Variants in LRP1 observed in about 807,000 individuals in gnomAD.
The protein encoded by LRP1 is prolow-density lipoprotein receptor-related protein 1.
LRP1 carries 51 observed loss-of-function variants against 541.5 expected under a neutral mutation model. The ratio of observed to expected loss-of-function variants is 0.09; its 90% CI spans 0.08 to 0.12. The LOEUF is 0.12. LRP1 is among the 10% of genes least tolerant of loss of function. The pLI is 1.00. For synonymous variants in LRP1, 2,219 were observed against 2,470.8 expected (o/e 0.90, Z 3.02); for missense variants, 3,878 against 6,376.2 (o/e 0.61, Z 13.34).
intron 6 of LRP1, chr12:57,150,177 G>GAA (rs1435545055): frequency 1.4e-5 from 2 of 139,480 alleles, no homozygotes; most frequent in Non-Finnish European, 1.5e-5. Flanking sequence ...CCTGTAACAG[G>GAA]AAAACTTCCT....
Position 57,184,198 on chromosome 12 carries a change from G to A in LRP1, c.6043G>A (p.Val2015Ile), listed in dbSNP as rs150485916. 2.7e-5 allele frequency: 44 copies of A among 1,613,812 alleles called. No homozygotes were observed. Among genetic ancestry groups the A allele is most frequent in the African/African-American group, 2.3e-4 (17 of 74,908 alleles). ...QGLDKPRAIT[V>I]HPEKGYLFWT... is the part of the protein sequence containing the mutation. ...TCTAGACAAGCCCCGGGCCATCACC[G>A]TCCACCCGGAGAAAGGGTGAGGAGC... The change falls in exon 37 of 89, where the codon GTC becomes ATC. Residue 2015 changes from valine to isoleucine, a missense_variant. Physicochemically the swap from Val to Ile is conservative, Grantham distance 29. Coordinates refer to ENST00000243077, the MANE Select transcript of LRP1 (RefSeq NM_002332.3). This position sits in a 1 kb window ranked among gnomAD's most constrained non-coding sequence, Gnocchi z 7.8.
At chr12:57,146,271 G>T (rs929606030) in intron 6 of LRP1, among the ~76,000 whole-genome samples, 3 of 152,182 alleles carry the variant, frequency 2.0e-5, no homozygotes, top group African/African-American at 2.4e-5. Context: ...GCACCACAGG[G>T]CTGAGAGGAA....
In LRP1 at chr12:57,202,557, G is replaced by T. The variant is rs1265946723; in HGVS notation, c.10711+20G>T. The stretch of plus-strand genomic sequence containing the variant: ...GCTGCAGTACGTCCCCACCCACCCA[G>T]CCCCGCATGAGCCCCTCCCAGGCCT... On this transcript the variant is annotated intron_variant, in intron 68 of 88. Coordinates refer to ENST00000243077, the MANE Select transcript of LRP1 (RefSeq NM_002332.3). The T allele has an allele frequency of 2.2e-6, 2 of 927,134 alleles. No individual in the cohort carries two copies. Among genetic ancestry groups the T allele is most frequent in the Admixed American group, 3.5e-5 (1 of 28,276 alleles). 57.4% of individuals were successfully genotyped at this position (927,134 alleles called of 1,614,324 possible). A position where few individuals can be genotyped will look rare whatever the true frequency, so the allele number is the denominator to read the frequency against.
rs2036332492 is a variant in LRP1 at position 57,189,473 on chromosome 12, A to T, written c.7032-1332A>T. Among the ~76,000 whole-genome samples the T allele has an allele frequency of 6.6e-6, 1 of 152,180 alleles. No individual in the cohort carries two copies. The highest frequency in any genetic ancestry group is 1.5e-5 in the Non-Finnish European group (1 of 68,026). On this transcript the variant is annotated intron_variant, in intron 42 of 88. Coordinates refer to ENST00000243077, the MANE Select transcript of LRP1 (RefSeq NM_002332.3). The surrounding 1 kb of genome is among the most constrained non-coding windows in gnomAD (Gnocchi z 4.4). ...GCTCTCCTCCAGGATGAGGCCCTTAAGATCAGAGCTTCTCACGAGCTCGCC... is the reference window on the plus strand; with the variant it reads ...GCTCTCCTCCAGGATGAGGCCCTTATGATCAGAGCTTCTCACGAGCTCGCC...
In LRP1 at chr12:57,184,391, A is replaced by T; in HGVS notation, c.6125A>T (p.Glu2042Val). 6.2e-7 allele frequency: 1 copy of T among 1,614,144 alleles called. No individual in the cohort carries two copies. Among genetic ancestry groups the T allele is most frequent in the Non-Finnish European group, 8.5e-7 (1 of 1,180,036 alleles). Residue 2042 changes from glutamate to valine, a missense_variant, in exon 38 of 89, where the codon GAG becomes GTG. By Grantham distance (121) the Glu-to-Val change is moderately radical (BLOSUM62 -2). This residue lies in a region of LRP1 where 1,100 missense variants were observed against 1,827.4 expected (regional missense o/e 0.60). Coordinates refer to ENST00000243077, the MANE Select transcript of LRP1 (RefSeq NM_002332.3). The surrounding 1 kb of genome is among the most constrained non-coding windows in gnomAD (Gnocchi z 7.8). ...RIERSRLDGT[E>V]RVVLVNVSIS... ...GAGCGGTCTCGGCTAGATGGCACGG[A>T]GCGTGTGGTGCTGGTCAACGTCAGC...
At position 57,180,441 on chromosome 12, in the gene LRP1, G is replaced by A. The variant is rs766276294; in HGVS notation, c.5348G>A (p.Arg1783Gln). The change falls in exon 32 of 89, where the codon CGG (arginine) becomes CAG (glutamine). Residue 1783 changes from arginine (R) to glutamine (Q), a missense_variant. Arg to Gln is a conservative substitution (Grantham distance 43). Transcript: ENST00000243077. ...GGGCTGGAGGTCATCGATGCCATGC[G>A]GAGCCAGCTGGGCAAGGCCACCGCC... is the stretch of plus-strand genomic sequence containing the variant. ...GSGLEVIDAMRSQLGKATALA... is the reference protein window; with the variant it reads ...GSGLEVIDAMQSQLGKATALA... The A allele has an allele frequency of 1.4e-5, 23 of 1,613,978 alleles. No homozygotes were observed. Among genetic ancestry groups the A allele is most frequent in the Middle Eastern group, 1.6e-4 (1 of 6,084 alleles).
chr12:57,173,103 C>A lies in LRP1; in HGVS notation c.3164-65C>A. The A allele has an allele frequency of 7.2e-7, 1 of 1,396,862 alleles. No individual in the cohort carries two copies. Among genetic ancestry groups the A allele is most frequent in the Non-Finnish European group, 9.8e-7 (1 of 1,024,694 alleles). 86.5% of individuals were successfully genotyped at this position (1,396,862 alleles called of 1,614,324 possible). A position where few individuals can be genotyped will look rare whatever the true frequency, so the allele number is the denominator to read the frequency against. On this transcript the variant is annotated intron_variant, in intron 20 of 88. Transcript: ENST00000243077. This position sits in a 1 kb window ranked among gnomAD's most constrained non-coding sequence, Gnocchi z 4.7. ...CTGGGCTTACCGGGGTGGCAGGGCA[C>A]AGGGATGAGGAGGGCTGACCTGGGC... is the stretch of plus-strand genomic sequence containing the variant.
Position 57,179,878 on chromosome 12 carries a change from G to A in LRP1, c.5063G>A (p.Arg1688Gln), listed in dbSNP as rs148199012. 2.3e-5 allele frequency: 37 copies of A among 1,614,164 alleles called. No homozygotes were observed. Among genetic ancestry groups the A allele is most frequent in the East Asian group, 4.5e-5 (2 of 44,888 alleles). The change falls in exon 30 of 89, where the codon CGG (arginine) becomes CAG (glutamine). Residue 1688 changes from arginine (R) to glutamine (Q), a missense_variant. By Grantham distance (43) the Arg-to-Gln change is conservative (BLOSUM62 1). Around this residue, in one of 13 missense-constraint regions of LRP1, gnomAD observed 394 missense variants for 635.9 expected, o/e 0.62. Coordinates refer to ENST00000243077, the MANE Select transcript of LRP1 (RefSeq NM_002332.3). The surrounding 1 kb of genome is among the most constrained non-coding windows in gnomAD (Gnocchi z 6.8). ...AATAAGAAGCAGATCAATGTGGCCC[G>A]GCTGGATGGCTCCTTCAAGAACGCA... ...DTNKKQINVA[R>Q]LDGSFKNAVV...
In LRP1 at chr12:57,156,698, T is replaced by G; in HGVS notation, c.1418-79T>G. The G allele has an allele frequency of 6.9e-7, 1 of 1,452,182 alleles. No homozygotes were observed. Among genetic ancestry groups the G allele is most frequent in the South Asian group, 1.3e-5 (1 of 75,046 alleles). The allele number at this position is 1,452,182 out of a possible 1,614,324, so 90.0% of individuals were successfully genotyped here. On this transcript the variant is annotated intron_variant, in intron 9 of 88. Transcript: ENST00000243077. This position sits in a 1 kb window ranked among gnomAD's most constrained non-coding sequence, Gnocchi z 5.2. ...ACAAAGACCACAGCAGCAGGGGGTG[T>G]GGTCAGATTCAGGAAGCCTTCTCAA...
chr12:57,145,203 G>A, intron 5 of LRP1, 24 bp from the exon 6 acceptor site: 2 of 1,613,878 alleles, frequency 1.2e-6, no homozygotes, highest in Non-Finnish European at 1.7e-6. Context: ...TGGCTGCACG[G>A]ACTCTTCTCT....
chr12:57,203,256 G>C lies in LRP1; in HGVS notation c.10787G>C (p.Gly3596Ala). 1 of 1,611,502 alleles carries C rather than the reference G, an allele frequency of 6.2e-7. No individual in the cohort carries two copies. The highest frequency in any genetic ancestry group is 8.5e-7 in the Non-Finnish European group (1 of 1,178,732). ...ATCGCGGGGCGCTGGAAATGCGATGGAGACCACGACTGCGCGGACGGCTCG... is the reference window on the plus strand; with the variant it reads ...ATCGCGGGGCGCTGGAAATGCGATGCAGACCACGACTGCGCGGACGGCTCG... ...RCIAGRWKCD[G>A]DHDCADGSDE... The change falls in exon 69 of 89, where the codon GGA (glycine) becomes GCA (alanine). Residue 3596 changes from glycine (G) to alanine (A), a missense_variant. Physicochemically the swap from Gly to Ala is moderately conservative, Grantham distance 60. Transcript: ENST00000243077.
Position 57,156,736 on chromosome 12 carries a change from G to C in LRP1, c.1418-41G>C. ...GAAGCCTTCTCAAGGCCTGGCACAG[G>C]GGCTCTGAGGGGTCCTAACAGCTCT... On this transcript the variant is annotated intron_variant, in intron 9 of 88. Coordinates refer to ENST00000243077, the MANE Select transcript of LRP1 (RefSeq NM_002332.3). The surrounding 1 kb of genome is among the most constrained non-coding windows in gnomAD (Gnocchi z 5.2). 1.3e-6 allele frequency: 2 copies of C among 1,561,162 alleles called. No homozygotes were observed. The highest frequency in any genetic ancestry group is 1.7e-6 in the Non-Finnish European group (2 of 1,145,084).
chr12:57,159,870 A>G lies in LRP1; in HGVS notation c.1844A>G (p.Asn615Ser). 6.2e-7 allele frequency: 1 copy of G among 1,614,212 alleles called. No homozygotes were observed. Among genetic ancestry groups the G allele is most frequent in the East Asian group, 2.2e-5 (1 of 44,890 alleles). Reference protein sequence around the residue: ...EGVAVDWMGDNLYWTDDGPKK... With the variant: ...EGVAVDWMGDSLYWTDDGPKK... ...GTGGCCGTGGACTGGATGGGAGACAATCTGTACTGGACGGACGATGGGCCC... is the reference window on the plus strand; with the variant it reads ...GTGGCCGTGGACTGGATGGGAGACAGTCTGTACTGGACGGACGATGGGCCC... The change falls in exon 12 of 89, where the codon AAT becomes AGT. Residue 615 changes from asparagine (N) to serine (S), a missense_variant. Coordinates refer to ENST00000243077, the MANE Select transcript of LRP1 (RefSeq NM_002332.3).
intron 16 of LRP1, 69 bp from the exon 17 acceptor site, chr12:57,166,015 T>G: frequency 6.2e-7 from 1 of 1,613,332 alleles, no homozygotes; most frequent in Non-Finnish European, 8.5e-7. Flanking sequence ...TGGCAGTGCC[T>G]ATACTGGAGC....
At position 57,184,491 on chromosome 12, in the gene LRP1, C is replaced by T. The variant is rs1451569840; in HGVS notation, c.6186+39C>T. ...CTTGGCCTTGGATCCGATGGTAGACCCCTGACCCAGGCTCCTGTTCCCTGT... is the reference window on the plus strand; with the variant it reads ...CTTGGCCTTGGATCCGATGGTAGACTCCTGACCCAGGCTCCTGTTCCCTGT... On this transcript the variant is annotated intron_variant, in intron 38 of 88. Transcript: ENST00000243077. The surrounding 1 kb of genome is among the most constrained non-coding windows in gnomAD (Gnocchi z 7.8). 3.1e-6 allele frequency: 5 copies of T among 1,612,730 alleles called. No homozygotes were observed. The South Asian group carries it at 3.3e-5, about 11-fold the overall frequency.
At chr12:57,143,056 C>G (rs536004028) in intron 3 of LRP1, among the ~76,000 whole-genome samples, 8 of 152,260 alleles carry the variant, frequency 5.3e-5, no homozygotes, top group East Asian at 1.9e-4. Context: ...ACCTCTCCCC[C>G]CTCCTGTCTC....
chr12:57,129,497 G>A (rs925550353), intron 1 of LRP1, among the ~76,000 whole-genome samples: 13 of 152,122 alleles, frequency 8.5e-5, no homozygotes, highest in Admixed American at 8.5e-4. Flanking sequence ...CAGGCCAGGG[G>A]TACCCTGCCG....
chr12:57,212,210 T>G lies in LRP1; in HGVS notation c.13443T>G (p.Pro4481=), dbSNP rs771019794. Residue 4481 remains proline (P), a synonymous_variant, in exon 88 of 89, where the codon CCT becomes CCG. Coordinates refer to ENST00000243077, the MANE Select transcript of LRP1 (RefSeq NM_002332.3). The surrounding 1 kb of genome is among the most constrained non-coding windows in gnomAD (Gnocchi z 5.0). ...PTYKMYEGGE[P]DDVGGLLDAD... Reference sequence around the variant, plus strand: ...ACAAGATGTACGAAGGCGGAGAGCCTGATGATGTGGGAGGCCTACTGGACG... The same window carrying G: ...ACAAGATGTACGAAGGCGGAGAGCCGGATGATGTGGGAGGCCTACTGGACG... 1.9e-6 allele frequency: 3 copies of G among 1,613,704 alleles called. No homozygotes were observed. In the African/African-American group the frequency reaches 4.0e-5, roughly 22 times the overall value.
chr12:57,208,837 G>A lies in LRP1; in HGVS notation c.12145+20G>A, dbSNP rs781463806. 1.9e-6 allele frequency: 3 copies of A among 1,594,614 alleles called. No individual in the cohort carries two copies. Among genetic ancestry groups the A allele is most frequent in the East Asian group, 2.2e-5 (1 of 44,744 alleles). ...CCACAGGTTTGTGGGGCAGGGTGCA[G>A]GAGGGACGGGCATGGAGGGGGCCCG... On this transcript the variant is annotated intron_variant, in intron 78 of 88. Coordinates refer to ENST00000243077, the MANE Select transcript of LRP1 (RefSeq NM_002332.3).
Sources: allele counts gnomAD v4.1 joint callset (sites outside exome capture counted in the v4.1 genomes callset), GRCh38; gene constraint gnomAD v4.1.1; regional missense constraint gnomAD v4.1.1; non-coding constraint Gnocchi (gnomAD v3.1); transcripts MANE v1.5; gene names NCBI Gene and HGNC (gene_info 2026-07-23, HGNC 2026-07-21).